Variants in HERC1 observed in about 807,000 individuals in gnomAD.
The protein encoded by HERC1 is HECT and RLD domain containing E3 ubiquitin protein ligase family member 1, also known as probable E3 ubiquitin-protein ligase HERC1.
Under a neutral mutation model 554.3 loss-of-function variants are expected in HERC1, and 160 were observed. The observed-to-expected ratio is 0.29, with a 90% confidence interval of 0.25 to 0.33. HERC1 has a LOEUF of 0.33. HERC1 is among the 10% of genes least tolerant of loss of function. The pLI, the probability that HERC1 is intolerant of heterozygous loss-of-function variation, is 1.00. For synonymous variants in HERC1, 2,175 were observed against 2,131.7 expected, an observed-to-expected ratio of 1.02 and a Z score of -0.56; for missense variants, 4,919 against 5,918.5, an observed-to-expected ratio of 0.83 and a Z score of 5.54.
Position 63,737,427 on chromosome 15 carries a change from G to GAT in HERC1, c.2521-2580_2521-2579dup, listed in dbSNP as rs561589959. Among the ~76,000 whole-genome samples, 11 of 88,502 alleles carry GAT rather than the reference G, an allele frequency of 1.2e-4. No individual in the cohort carries two copies. The East Asian group carries it at 1.6e-3, about 13-fold the overall frequency. 58.1% of individuals were successfully genotyped at this position (88,502 alleles called of 152,430 possible). On this transcript the variant is annotated intron_variant, in intron 12 of 77. Coordinates refer to ENST00000443617, the MANE Select transcript of HERC1 (RefSeq NM_003922.4). The stretch of plus-strand genomic sequence containing the variant: ...TATATATATATATATCTTTTTTCCA[G>GAT]ATATATATATATATATCTTTTTTCC...
chr15:63,611,330 AAGG>A (rs757354463), intron 77 of HERC1, among the ~76,000 whole-genome samples: 15 of 152,188 alleles, frequency 9.9e-5, no homozygotes, highest in Non-Finnish European at 2.2e-4. Flanking sequence ...AAAGGTCTAA[AAGG>A]AGGAGAGTGA....
At position 63,645,471 on chromosome 15, in the gene HERC1, T is replaced by C. The variant is rs377337200; in HGVS notation, c.11078+12A>G. ...AAAAACTAAGACGTATAGATGCAAA[T>C]TGACAACATACGTAGCCATCAGTAA... is the stretch of plus-strand genomic sequence containing the variant. On this transcript the variant is annotated intron_variant, in intron 56 of 77. Coordinates refer to ENST00000443617, the MANE Select transcript of HERC1 (RefSeq NM_003922.4). 28 of 1,594,898 alleles carry C rather than the reference T, an allele frequency of 1.8e-5. No homozygotes were observed. Among genetic ancestry groups the C allele is most frequent in the Admixed American group, 7.0e-5 (4 of 56,930 alleles).
chr15:63,671,322 T>G (rs2070908451), intron 39 of HERC1, among the ~76,000 whole-genome samples: 1 of 151,130 alleles, frequency 6.6e-6, no homozygotes, highest in Non-Finnish European at 1.5e-5. Flanking sequence ...CAATGAACTA[T>G]GACTGTGCTG....
intron 19 of HERC1, among the ~76,000 whole-genome samples, chr15:63,720,423 T>C (rs1251441592): frequency 6.6e-6 from 1 of 152,136 alleles, no homozygotes; most frequent in Non-Finnish European, 1.5e-5. Context: ...TTGCTAAATA[T>C]CTGGGCTACT....
intron 1 of HERC1, among the ~76,000 whole-genome samples, chr15:63,830,677 A>G (rs2078122482): frequency 6.6e-6 from 1 of 152,226 alleles, no homozygotes; most frequent in South Asian, 2.1e-4. Flanking sequence ...AGTATGTAAG[A>G]ACTCTGTACT....
chr15:63,669,143 A>G (rs965291718), intron 40 of HERC1, among the ~76,000 whole-genome samples: 1 of 152,244 alleles, frequency 6.6e-6, no homozygotes, highest in African/African-American at 2.4e-5. Context: ...TTTGAAAACT[A>G]AATAACATAC....
chr15:63,819,345 A>G (rs1316191704), intron 1 of HERC1, among the ~76,000 whole-genome samples: 2 of 152,250 alleles, frequency 1.3e-5, no homozygotes, highest in Non-Finnish European at 2.9e-5. Context: ...TGTCTCACAG[A>G]GGTGTTATTC....
intron 39 of HERC1, among the ~76,000 whole-genome samples, chr15:63,672,176 T>A (rs937214605): frequency 3.9e-5 from 6 of 152,144 alleles, no homozygotes; most frequent in African/African-American, 1.4e-4. Flanking sequence ...GTATTTACTT[T>A]TTGAGGAAAA....
chr15:63,680,468 A>T lies in HERC1; in HGVS notation c.6465+69T>A, dbSNP rs1008486442. ...ATAATCTATAAACTGAATACGTGGC[A>T]CTTGAATAACCGAGTTGACTATAAA... On this transcript the variant is annotated intron_variant, in intron 35 of 77. Transcript: ENST00000443617. The surrounding 1 kb of genome is among the most constrained non-coding windows in gnomAD (Gnocchi z 5.8). 6.6e-7 allele frequency: 1 copy of T among 1,518,538 alleles called. No individual in the cohort carries two copies. Among genetic ancestry groups the T allele is most frequent in the Non-Finnish European group, 8.9e-7 (1 of 1,118,918 alleles). 94.1% of individuals were successfully genotyped at this position (1,518,538 alleles called of 1,614,324 possible).
chr15:63,634,280 G>C (rs750799075), intron 66 of HERC1, among the ~76,000 whole-genome samples: 45 of 152,214 alleles, frequency 3.0e-4, no homozygotes, highest in Non-Finnish European at 5.0e-4. Context: ...AAGTATCTAA[G>C]GAATGATATA....
chr15:63,627,716 G>A (rs1036688801), intron 70 of HERC1, among the ~76,000 whole-genome samples: 5 of 150,256 alleles, frequency 3.3e-5, no homozygotes, highest in African/African-American at 1.2e-4. Context: ...ATGAAGAAAT[G>A]TGTAAGAATG....
At chr15:63,814,472 T>G (rs1468809713) in intron 1 of HERC1, among the ~76,000 whole-genome samples, 5 of 152,162 alleles carry the variant, frequency 3.3e-5, no homozygotes, top group Admixed American at 6.6e-5. Flanking sequence ...AGGTTTTTGT[T>G]TTTTTGAGAT....
chr15:63,743,253 TTTTC>T (rs1421305531), intron 12 of HERC1, among the ~76,000 whole-genome samples: 7 of 109,562 alleles, frequency 6.4e-5, no homozygotes, highest in African/African-American at 1.3e-4. Flanking sequence ...TTTTTTCTTT[TTTTC>T]TTTTTCTTTT....
intron 60 of HERC1, among the ~76,000 whole-genome samples, chr15:63,640,831 T>C (rs2069018234): frequency 6.6e-6 from 1 of 152,172 alleles, no homozygotes; most frequent in Non-Finnish European, 1.5e-5. Flanking sequence ...ATGGTTTTTC[T>C]TGATTGGAAA....
intron 25 of HERC1, among the ~76,000 whole-genome samples, chr15:63,706,159 C>G (rs558423678): frequency 1.3e-5 from 2 of 152,068 alleles, no homozygotes; most frequent in Non-Finnish European, 2.9e-5. Flanking sequence ...TACACACAAC[C>G]ATGAGTTAAC....
intron 8 of HERC1, among the ~76,000 whole-genome samples, chr15:63,751,914 T>C (rs971571608): frequency 2.5e-4 from 38 of 152,034 alleles, no homozygotes; most frequent in African/African-American, 9.0e-4. Flanking sequence ...CTCTCAATTC[T>C]AATGATTATC....
intron 19 of HERC1, among the ~76,000 whole-genome samples, chr15:63,720,103 C>CTTTTTCTTTTTTTTTTTT (rs2073748582): frequency 1.4e-5 from 1 of 71,608 alleles, no homozygotes; most frequent in Admixed American, 1.7e-4. Context: ...TTTTTCTTCC[C>CTTTTTCTTTTTTTTTTTT]TTTTTTTTTT....
chr15:63,726,414 T>A (rs2074042108), intron 17 of HERC1, among the ~76,000 whole-genome samples: 2 of 152,160 alleles, frequency 1.3e-5, no homozygotes, highest in African/African-American at 4.8e-5. Flanking sequence ...TTTGAAATGA[T>A]AATGGATAAG....
intron 1 of HERC1, chr15:63,779,518 A>G (rs1016076829): frequency 6.6e-6 from 1 of 152,356 alleles, no homozygotes; most frequent in African/African-American, 2.4e-5. Flanking sequence ...TACCACTCTT[A>G]GTACAAGATG....
Sources: allele counts gnomAD v4.1 joint callset (sites outside exome capture counted in the v4.1 genomes callset), GRCh38; gene constraint gnomAD v4.1.1; non-coding constraint Gnocchi (gnomAD v3.1); transcripts MANE v1.5; gene names NCBI Gene and HGNC (gene_info 2026-07-23, HGNC 2026-07-21).